KIF6: variants seen among roughly 807,000 people sequenced by gnomAD.
KIF6 encodes the protein kinesin family member 6.
KIF6 carries 106 observed loss-of-function variants against 112.7 expected under a neutral mutation model. That is an observed-to-expected ratio of 0.94 (90% CI 0.80 to 1.11). The LOEUF is 1.11. Ranked by LOEUF, KIF6 falls within the 50% of genes least tolerant of loss-of-function variation. The pLI, the probability that KIF6 is intolerant of heterozygous loss-of-function variation, is 0.00. For missense variants in KIF6, 929 were observed against 964.0 expected (o/e 0.96, Z 0.48); for synonymous variants, 339 against 339.9 (o/e 1.00, Z 0.03).
intron 13 of KIF6, among the ~76,000 whole-genome samples, chr6:39,528,718 A>G (rs543169731): frequency 6.6e-6 from 1 of 152,298 alleles, no homozygotes; most frequent in Non-Finnish European, 1.5e-5. Context: ...CATTTCACTA[A>G]TGATTGGTGA....
At chr6:39,389,269 G>A (rs952422370) in intron 15 of KIF6, among the ~76,000 whole-genome samples, 3 of 152,042 alleles carry the variant, frequency 2.0e-5, no homozygotes, top group Non-Finnish European at 4.4e-5. Context: ...TATTTTGCAC[G>A]CATGCTAGTT....
intron 13 of KIF6, among the ~76,000 whole-genome samples, chr6:39,456,935 C>T (rs1773156794): frequency 6.6e-6 from 1 of 151,062 alleles, no homozygotes; most frequent in South Asian, 2.1e-4. Flanking sequence ...ACTTTAACAC[C>T]CCACTGTCAA....
At chr6:39,405,794 A>G (rs573302384) in intron 15 of KIF6, among the ~76,000 whole-genome samples, 1 of 152,356 alleles carries the variant, frequency 6.6e-6, no homozygotes, top group East Asian at 1.9e-4. Context: ...GTAGAATACT[A>G]CAATGAAACT....
chr6:39,628,965 A>C (rs1784225822), intron 5 of KIF6, among the ~76,000 whole-genome samples: 1 of 152,122 alleles, frequency 6.6e-6, no homozygotes, highest in South Asian at 2.1e-4. Context: ...GCACTTAGCA[A>C]TATGCATTTA....
chr6:39,649,103 C>G (rs1165932258), intron 3 of KIF6, among the ~76,000 whole-genome samples: 3 of 151,816 alleles, frequency 2.0e-5, no homozygotes, highest in Non-Finnish European at 4.4e-5. Context: ...TTCAAGGTTA[C>G]TGTGAGCTAT....
At chr6:39,430,463 G>A (rs1331874934) in intron 14 of KIF6, among the ~76,000 whole-genome samples, 1 of 152,160 alleles carries the variant, frequency 6.6e-6, no homozygotes, top group Non-Finnish European at 1.5e-5. Flanking sequence ...GCTACAGTTT[G>A]AGGATATGCA....
At chr6:39,440,181 AC>A (rs1181695287) in intron 13 of KIF6, among the ~76,000 whole-genome samples, 2 of 151,980 alleles carry the variant, frequency 1.3e-5, no homozygotes, top group African/African-American at 4.8e-5. Context: ...ACTGTTTGGG[AC>A]TGAAAGCATG....
At position 39,631,138 on chromosome 6, in the gene KIF6, T is replaced by C. The variant is rs566481442; in HGVS notation, c.509+3711A>G. ...ATATTAGTCCGTAGTTTTCCTTTCT[T>C]GTAATGCATTTGTCTGCTTTTGGTA... On this transcript the variant is annotated intron_variant, in intron 5 of 22. Coordinates refer to ENST00000287152, the MANE Select transcript of KIF6 (RefSeq NM_145027.6). Among the ~76,000 whole-genome samples the C allele has an allele frequency of 7.6e-4, 116 of 152,178 alleles. 1 individual carries two copies. Among genetic ancestry groups the C allele is most frequent in the African/African-American group, 2.6e-3 (110 of 41,570 alleles).
chr6:39,691,408 G>T (rs1051422304), intron 3 of KIF6: 1 of 152,158 alleles, frequency 6.6e-6, no homozygotes, highest in South Asian at 2.1e-4. Context: ...GCTCACTTTT[G>T]TAAGTTATAT....
chr6:39,494,515 T>C (rs1479175900), intron 13 of KIF6, among the ~76,000 whole-genome samples: 1 of 152,166 alleles, frequency 6.6e-6, no homozygotes, highest in Non-Finnish European at 1.5e-5. Context: ...ATGAAAGAAA[T>C]ATGGAGAATT....
intron 3 of KIF6, among the ~76,000 whole-genome samples, chr6:39,683,731 C>G (rs567615719): frequency 6.6e-6 from 1 of 151,916 alleles, no homozygotes; most frequent in African/African-American, 2.4e-5. Context: ...GACAGAAGAA[C>G]AGCCGAGTGG....
At position 39,362,448 on chromosome 6, in the gene KIF6, C is replaced by T. The variant is rs560698833; in HGVS notation, c.1932G>A (p.Glu644=). 1 of 1,613,956 alleles carries T rather than the reference C, an allele frequency of 6.2e-7. No homozygotes were observed. The highest frequency in any genetic ancestry group is 1.3e-5 in the African/African-American group (1 of 75,058). ...QQEEKLRSQL[E]EEKRRYKTMF... ...AGGAAGGGCACCTTCTCTTTTCTTC[C>T]TCCAGTTGTGATCGCAGCTTCTCCT... Residue 644 remains glutamate, a synonymous_variant, in exon 17 of 23, where the codon GAG becomes GAA. Transcript: ENST00000287152.
intron 5 of KIF6, among the ~76,000 whole-genome samples, chr6:39,630,877 T>A (rs1298351504): frequency 6.6e-6 from 1 of 152,054 alleles, no homozygotes; most frequent in Non-Finnish European, 1.5e-5. Flanking sequence ...GTATTTATCA[T>A]GAGAAGCTGT....
intron 5 of KIF6, among the ~76,000 whole-genome samples, chr6:39,618,997 T>C (rs923969693): frequency 1.3e-5 from 2 of 152,216 alleles, no homozygotes; most frequent in African/African-American, 4.8e-5. Context: ...TCTTTTTATT[T>C]TATTCTTATT....
intron 13 of KIF6, among the ~76,000 whole-genome samples, chr6:39,466,586 C>A (rs1773798239): frequency 3.3e-5 from 5 of 151,948 alleles, no homozygotes. Flanking sequence ...TCCTTCCCCA[C>A]CCCCCACCTC....
In KIF6 at chr6:39,540,114, G is replaced by A. The variant is rs757976747; in HGVS notation, c.1534C>T (p.Arg512Cys). The change falls in exon 13 of 23, where the codon CGC becomes TGC. Residue 512 changes from arginine (R) to cysteine (C), a missense_variant. Physicochemically the swap from Arg to Cys is radical, Grantham distance 180 (BLOSUM62 -3). Coordinates refer to ENST00000287152, the MANE Select transcript of KIF6 (RefSeq NM_145027.6). Reference protein sequence around the residue: ...EFRQSQSPPFRLGNPEEGQRM... With the variant: ...EFRQSQSPPFCLGNPEEGQRM... ...TGACCTTCTTCTGGGTTTCCTAGGCGGAAGGGTGGGCTCTGGGACTGTCTG... is the reference window on the plus strand; with the variant it reads ...TGACCTTCTTCTGGGTTTCCTAGGCAGAAGGGTGGGCTCTGGGACTGTCTG... 5.0e-6 allele frequency: 8 copies of A among 1,613,970 alleles called. No homozygotes were observed. The highest frequency in any genetic ancestry group is 6.8e-6 in the Non-Finnish European group (8 of 1,179,968).
intron 15 of KIF6, among the ~76,000 whole-genome samples, chr6:39,405,464 C>T (rs765172156): frequency 1.8e-4 from 27 of 152,096 alleles, no homozygotes; most frequent in Non-Finnish European, 3.2e-4. Flanking sequence ...CCACTTTATA[C>T]GATCATGAGG....
At chr6:39,535,040 C>T (rs1778331043) in intron 13 of KIF6, among the ~76,000 whole-genome samples, 1 of 152,110 alleles carries the variant, frequency 6.6e-6, no homozygotes, top group Non-Finnish European at 1.5e-5. Context: ...CCAGGCCTGC[C>T]CTAAAAGAGC....
intron 13 of KIF6, among the ~76,000 whole-genome samples, chr6:39,460,452 C>T (rs1773394707): frequency 7.6e-6 from 1 of 130,762 alleles, no homozygotes. Context: ...TGTAGCGCAC[C>T]AGCATGGCAC....
Sources: gnomAD v4.1 joint callset for allele counts (sites outside exome capture counted in the v4.1 genomes callset) on GRCh38, gnomAD v4.1.1 for gene constraint, MANE v1.5 for transcripts, NCBI Gene and HGNC (gene_info 2026-07-23, HGNC 2026-07-21) for gene names.